TENM3: variants seen among roughly 807,000 people sequenced by gnomAD.
The protein encoded by TENM3 is teneurin transmembrane protein 3.
Under a neutral mutation model 255.1 loss-of-function variants are expected in TENM3, and 63 were observed. That is an observed-to-expected ratio of 0.25 (90% CI 0.20 to 0.30). The LOEUF is 0.30. Among genes scored for constraint, TENM3 ranks in the 10% least tolerant of loss-of-function variants. The pLI is 1.00. For missense variants in TENM3, 2,929 were observed against 3,461.1 expected (o/e 0.85, Z 3.86); for synonymous variants, 1,306 against 1,322.3 (o/e 0.99, Z 0.27).
In TENM3 at chr4:182,792,625, G is replaced by C. The variant is rs1182937673; in HGVS notation, c.5953G>C (p.Asp1985His). 3.1e-6 allele frequency: 5 copies of C among 1,613,852 alleles called. No individual in the cohort carries two copies. Among genetic ancestry groups the C allele is most frequent in the Non-Finnish European group, 8.5e-7 (1 of 1,179,900 alleles). The change falls in exon 26 of 28, where the codon GAT becomes CAT. Residue 1985 changes from aspartate (D) to histidine (H), a missense_variant. Asp to His is a moderately conservative substitution (Grantham distance 81). Transcript: ENST00000511685. The surrounding 1 kb of genome is among the most constrained non-coding windows in gnomAD (Gnocchi z 6.3). ...CCTAAAGACAGTAAACCTCCAGAGTGATGGTTTTATTTGCACCATTAGATA... is the reference window on the plus strand; with the variant it reads ...CCTAAAGACAGTAAACCTCCAGAGTCATGGTTTTATTTGCACCATTAGATA... Reference protein sequence around the residue: ...GVLKTVNLQSDGFICTIRYRQ... With the variant: ...GVLKTVNLQSHGFICTIRYRQ...
intron 1 of TENM3, among the ~76,000 whole-genome samples, chr4:182,145,947 T>C (rs1749935992): frequency 6.6e-6 from 1 of 152,208 alleles, no homozygotes; most frequent in Non-Finnish European, 1.5e-5. Context: ...AAAAGGTGGA[T>C]ATGGCATCTC....
chr4:181,955,251 C>T, the TENM3 span, among the ~76,000 whole-genome samples: 1 of 152,068 alleles, frequency 6.6e-6, no homozygotes, highest in Non-Finnish European at 1.5e-5. Flanking sequence ...CACTGGATAT[C>T]CCATTATGGG....
At chr4:182,440,477 C>T (rs567127949) in intron 3 of TENM3, among the ~76,000 whole-genome samples, 31 of 152,208 alleles carry the variant, frequency 2.0e-4, no homozygotes, top group Non-Finnish European at 3.5e-4. Flanking sequence ...CGTTTCTCTA[C>T]GCCATTTGTC....
At chr4:181,805,597 T>TTGTGTGTGTG in the TENM3 span, among the ~76,000 whole-genome samples, 3,663 of 150,520 alleles carry the variant, frequency 0.024, 101 homozygotes, top group African/African-American at 0.067. Flanking sequence ...GTGTGCACTT[T>TTGTGTGTGTG]TGTGTGTGTG....
the TENM3 span, among the ~76,000 whole-genome samples, chr4:181,521,478 T>G: frequency 6.6e-6 from 1 of 152,252 alleles, no homozygotes; most frequent in Admixed American, 6.5e-5. Flanking sequence ...AGATGTGTAA[T>G]GAATGATCGA....
In TENM3 at chr4:182,328,604, G is replaced by T. The variant is rs150126668; in HGVS notation, c.232+4352G>T. Among the ~76,000 whole-genome samples, 13 of 152,288 alleles carry T rather than the reference G, an allele frequency of 8.5e-5. 1 individual carries two copies. The East Asian group carries it at 2.5e-3, about 29-fold the overall frequency. ...AACAGAAAGTAAATTTGCAAAGAAGGGAAGGAAGAAGGAAGGCAGTTTGAG... is the reference window on the plus strand; with the variant it reads ...AACAGAAAGTAAATTTGCAAAGAAGTGAAGGAAGAAGGAAGGCAGTTTGAG... On this transcript the variant is annotated intron_variant, in intron 2 of 27. Coordinates refer to ENST00000511685, the MANE Select transcript of TENM3 (RefSeq NM_001080477.4).
intron 3 of TENM3, among the ~76,000 whole-genome samples, chr4:182,543,822 G>A (rs1448083806): frequency 6.6e-6 from 1 of 151,856 alleles, no homozygotes; most frequent in African/African-American, 2.4e-5. Context: ...TGTCGCTATA[G>A]GATAGTCGGA....
chr4:182,223,144 G>A (rs1158618665), intron 1 of TENM3, among the ~76,000 whole-genome samples: 1 of 152,052 alleles, frequency 6.6e-6, no homozygotes, highest in African/African-American at 2.4e-5. Flanking sequence ...AAAATGAGGT[G>A]GAAAGAATAT....
At chr4:182,594,603 T>C (rs1289300654) in intron 3 of TENM3, among the ~76,000 whole-genome samples, 1 of 152,100 alleles carries the variant, frequency 6.6e-6, no homozygotes, top group Non-Finnish European at 1.5e-5. Flanking sequence ...ATGGTGCTAT[T>C]AGTTGCTGAC....
At chr4:181,618,344 A>G in the TENM3 span, among the ~76,000 whole-genome samples, 2 of 152,142 alleles carry the variant, frequency 1.3e-5, no homozygotes, top group Non-Finnish European at 1.5e-5. Context: ...AAGCAGCAAA[A>G]ACTTTCTAAG....
chr4:181,531,847 G>A, the TENM3 span, among the ~76,000 whole-genome samples: 9 of 152,192 alleles, frequency 5.9e-5, no homozygotes, highest in African/African-American at 2.2e-4. Context: ...GGGCGGAGCA[G>A]AGTTGTCAGT....
the TENM3 span, among the ~76,000 whole-genome samples, chr4:181,916,660 C>T: frequency 1.3e-5 from 2 of 152,022 alleles, no homozygotes; most frequent in Non-Finnish European, 2.9e-5. Flanking sequence ...AGGCCGATCA[C>T]GAGGTCAGGA....
At chr4:182,539,803 G>GACAC (rs1740682838) in intron 3 of TENM3, among the ~76,000 whole-genome samples, 1 of 152,204 alleles carries the variant, frequency 6.6e-6, no homozygotes, top group East Asian at 1.9e-4. Context: ...GATTCGGTGT[G>GACAC]GGTGAGGTTG....
chr4:182,744,903 A>G (rs1416425754), intron 19 of TENM3, among the ~76,000 whole-genome samples: 1 of 152,128 alleles, frequency 6.6e-6, no homozygotes, highest in Non-Finnish European at 1.5e-5. Context: ...TACAATAAAG[A>G]CTTGTATGGA....
At chr4:181,616,314 T>TACAC in the TENM3 span, among the ~76,000 whole-genome samples, 9,678 of 103,534 alleles carry the variant, frequency 0.093, 511 homozygotes, top group East Asian at 0.14. Context: ...ACCCATAGAA[T>TACAC]ACACACACAC....
rs1554023604 is a variant in TENM3 at position 182,161,813 on chromosome 4, A to ATG, written c.-76+17061_-76+17062dup. 2.8e-3 allele frequency among the ~76,000 whole-genome samples: 120 copies of ATG among 43,194 alleles called. 13 individuals are homozygous for ATG. Among genetic ancestry groups the ATG allele is most frequent in the African/African-American group, 4.1e-3 (44 of 10,736 alleles). 28.3% of individuals were successfully genotyped at this position (43,194 alleles called of 152,430 possible). A position where few individuals can be genotyped will look rare whatever the true frequency, so the allele number is the denominator to read the frequency against. On this transcript the variant is annotated intron_variant, in intron 1 of 2. Transcript: ENST00000512480. ...TATATGTATATATATACACATATAT[A>ATG]TGTATATATATACACATATATATGT... is the stretch of plus-strand genomic sequence containing the variant.
At chr4:182,206,539 G>A (rs1754591249) in intron 1 of TENM3, among the ~76,000 whole-genome samples, 1 of 152,158 alleles carries the variant, frequency 6.6e-6, no homozygotes, top group Non-Finnish European at 1.5e-5. Flanking sequence ...GATTTGTTGA[G>A]AATCTGCTAG....
chr4:181,741,896 C>T, the TENM3 span, among the ~76,000 whole-genome samples: 1 of 152,300 alleles, frequency 6.6e-6, no homozygotes, highest in Admixed American at 6.5e-5. Context: ...ATGAACATAG[C>T]AGGAGAAATG....
At chr4:181,466,195 G>GCAA in the TENM3 span, among the ~76,000 whole-genome samples, 1 of 148,070 alleles carries the variant, frequency 6.8e-6, no homozygotes, top group Non-Finnish European at 1.5e-5. Flanking sequence ...TCAACCCACT[G>GCAA]CAACCTCCGC....
Sources: allele counts gnomAD v4.1 joint callset (sites outside exome capture counted in the v4.1 genomes callset), GRCh38; gene constraint gnomAD v4.1.1; non-coding constraint Gnocchi (gnomAD v3.1); transcripts MANE v1.5; gene names NCBI Gene and HGNC (gene_info 2026-07-23, HGNC 2026-07-21).